The following RNF144A variants were observed in gnomAD, a reference collection of about 807,000 sequenced individuals.
RNF144A encodes the protein ring finger protein 144A.
A neutral mutation model predicts 38.7 loss-of-function variants in RNF144A; 11 were observed. That is an observed-to-expected ratio of 0.28 (90% CI 0.18 to 0.47). The LOEUF is 0.47. RNF144A is among the 20% of genes least tolerant of loss of function. The pLI, the probability that RNF144A is intolerant of heterozygous loss-of-function variation, is 0.99. For missense variants in RNF144A, 316 were observed against 377.2 expected (o/e 0.84, Z 1.34); for synonymous variants, 149 against 143.9 (o/e 1.04, Z -0.25).
At chr2:6,979,167 G>T (rs891412318) in intron 2 of RNF144A, among the ~76,000 whole-genome samples, 7 of 152,208 alleles carry the variant, frequency 4.6e-5, no homozygotes, top group South Asian at 4.1e-4. Context: ...GGACAGAGAT[G>T]TCTCTTCTGA....
At chr2:7,060,013 T>C (rs1673891479) in intron 6 of RNF144A, among the ~76,000 whole-genome samples, 1 of 152,210 alleles carries the variant, frequency 6.6e-6, no homozygotes, top group South Asian at 2.1e-4. Context: ...CATAGGAAAA[T>C]AGCACATTCA....
In RNF144A at chr2:6,944,762, C is replaced by G. The variant is rs925209245; in HGVS notation, c.-12+3615C>G. ...TCTCTCTGTTGGCCACGCCCACCTC[C>G]CAGGACGCTGTGTTTGGGAATCTGT... On this transcript the variant is annotated intron_variant, in intron 2 of 8. Coordinates refer to ENST00000320892, the MANE Select transcript of RNF144A (RefSeq NM_014746.6). This position sits in a 1 kb window ranked among gnomAD's most constrained non-coding sequence, Gnocchi z 4.7. 3.3e-5 allele frequency among the ~76,000 whole-genome samples: 5 copies of G among 152,110 alleles called. No individual in the cohort carries two copies. The highest frequency in any genetic ancestry group is 4.8e-5 in the African/African-American group (2 of 41,432).
At chr2:7,045,016 C>G (rs1423649842), downstream of RNF144A, among the ~76,000 whole-genome samples, 1 of 152,236 alleles carries the variant, frequency 6.6e-6, no homozygotes, top group Non-Finnish European at 1.5e-5. Context: ...GCGGGCACAG[C>G]ACAGCCCTTC....
chr2:6,918,532 T>G (rs1007701130), intron 1 of RNF144A: 2 of 151,604 alleles, frequency 1.3e-5, no homozygotes, highest in African/African-American at 4.8e-5. Flanking sequence ...ATCCCAGCAC[T>G]TTGGGAGGCT....
At chr2:6,929,890 T>C (rs1411690332) in intron 1 of RNF144A, among the ~76,000 whole-genome samples, 1 of 152,182 alleles carries the variant, frequency 6.6e-6, no homozygotes, top group African/African-American at 2.4e-5. Context: ...GCTAAAAAAG[T>C]GCATTTTCGA....
At chr2:7,008,069 G>C (rs554597938) in intron 3 of RNF144A, among the ~76,000 whole-genome samples, 16 of 152,334 alleles carry the variant, frequency 1.1e-4, no homozygotes, top group African/African-American at 3.6e-4. Flanking sequence ...TGGTTGGCGA[G>C]GGGGAGGAAA....
At chr2:6,988,366 C>T (rs1669087792) in intron 2 of RNF144A, among the ~76,000 whole-genome samples, 1 of 152,178 alleles carries the variant, frequency 6.6e-6, no homozygotes, top group Non-Finnish European at 1.5e-5. Context: ...TCTTCTGTTC[C>T]AAGTTCTCTC....
At chr2:6,990,518 ATAT>A (rs1299059621) in intron 2 of RNF144A, among the ~76,000 whole-genome samples, 6 of 91,810 alleles carry the variant, frequency 6.5e-5, no homozygotes, top group South Asian at 2.6e-4. Flanking sequence ...ATGATATAAC[ATAT>A]TATATATATT....
chr2:7,055,905 T>C (rs1030784524), intron 6 of RNF144A, among the ~76,000 whole-genome samples: 2 of 152,144 alleles, frequency 1.3e-5, no homozygotes, highest in Admixed American at 1.3e-4. Flanking sequence ...CCTCTCATTG[T>C]TTAGACCTTC....
intron 2 of RNF144A, among the ~76,000 whole-genome samples, chr2:6,973,064 T>A (rs1029950699): frequency 6.6e-6 from 1 of 152,172 alleles, no homozygotes; most frequent in Admixed American, 6.6e-5. Flanking sequence ...ATCTATGAAA[T>A]GGGGATGAAT....
At chr2:7,038,022 T>G (rs1558454813) in intron 8 of RNF144A, among the ~76,000 whole-genome samples, 2 of 152,246 alleles carry the variant, frequency 1.3e-5, no homozygotes, top group Non-Finnish European at 2.9e-5. Context: ...CTGTGCCTCT[T>G]TGACCAGCCA....
At chr2:6,961,947 G>C (rs538567020) in intron 2 of RNF144A, among the ~76,000 whole-genome samples, 29 of 152,296 alleles carry the variant, frequency 1.9e-4, no homozygotes, top group Admixed American at 1.8e-3. Flanking sequence ...TCGTTGTCTG[G>C]GGTAATATCT....
chr2:6,960,687 G>A (rs1667279658), intron 2 of RNF144A, among the ~76,000 whole-genome samples: 1 of 152,228 alleles, frequency 6.6e-6, no homozygotes, highest in South Asian at 2.1e-4. Flanking sequence ...AGTCATGCCA[G>A]GTAAATCTCA....
At chr2:6,924,913 C>T (rs1572191420) in intron 1 of RNF144A, among the ~76,000 whole-genome samples, 1 of 152,374 alleles carries the variant, frequency 6.6e-6, no homozygotes, top group Non-Finnish European at 1.5e-5. Flanking sequence ...AGGCTGTGTG[C>T]TCCAAGGGAG....
chr2:7,014,245 C>T (rs1389648440), intron 3 of RNF144A, among the ~76,000 whole-genome samples: 1 of 152,220 alleles, frequency 6.6e-6, no homozygotes, highest in Non-Finnish European at 1.5e-5. Flanking sequence ...ATTGAGCATA[C>T]AGTCCCTGGC....
intron 2 of RNF144A, among the ~76,000 whole-genome samples, chr2:6,956,260 T>G (rs1666988372): frequency 6.6e-6 from 1 of 151,692 alleles, no homozygotes; most frequent in Non-Finnish European, 1.5e-5. Context: ...GGGTGGGGGA[T>G]AAGGTGCACA....
intron 1 of RNF144A, among the ~76,000 whole-genome samples, chr2:6,939,472 C>T (rs372835140): frequency 6.6e-6 from 1 of 152,080 alleles, no homozygotes; most frequent in Non-Finnish European, 1.5e-5. Flanking sequence ...ATTCTGAATC[C>T]GAGGCCTTTA....
At chr2:7,066,119 A>G (rs951177087) in intron 6 of RNF144A, among the ~76,000 whole-genome samples, 2 of 148,362 alleles carry the variant, frequency 1.3e-5, no homozygotes, top group Admixed American at 1.4e-4. Context: ...ACGGAGTCTC[A>G]CTCTGTTGCC....
intron 5 of RNF144A, among the ~76,000 whole-genome samples, chr2:7,016,937 G>A (rs1189037951): frequency 5.3e-5 from 8 of 152,186 alleles, no homozygotes; most frequent in Admixed American, 5.2e-4. Flanking sequence ...CTTGGTTTTA[G>A]CGTCAATGTC....
Sources: gnomAD v4.1 joint callset for allele counts (sites outside exome capture counted in the v4.1 genomes callset) on GRCh38, gnomAD v4.1.1 for gene constraint, Gnocchi (gnomAD v3.1) non-coding constraint, MANE v1.5 for transcripts, NCBI Gene and HGNC (gene_info 2026-07-23, HGNC 2026-07-21) for gene names.